The following SEMA5A variants were observed in gnomAD, a reference collection of about 807,000 sequenced individuals.
SEMA5A encodes the protein semaphorin 5A, also known as semaphorin-5A.
A neutral mutation model predicts 135.5 loss-of-function variants in SEMA5A; 55 were observed. That is an observed-to-expected ratio of 0.41 (90% confidence interval 0.33 to 0.51). SEMA5A has a LOEUF of 0.51. Among genes scored for constraint, SEMA5A ranks in the 20% least tolerant of loss-of-function variants. The probability of loss-of-function intolerance (pLI) is 0.37; values close to 1 mark genes in which losing one functional copy is unlikely to be tolerated. For missense variants in SEMA5A, 1,290 were observed against 1,419.9 expected (o/e 0.91, Z 1.47); for synonymous variants, 580 against 546.5 (o/e 1.06, Z -0.85).
At chr5:9,297,681 A>T (rs1751407810) in intron 5 of SEMA5A, among the ~76,000 whole-genome samples, 4 of 151,414 alleles carry the variant, frequency 2.6e-5, no homozygotes, top group Non-Finnish European at 5.9e-5. Flanking sequence ...CAGTCTCCCG[A>T]GTAGCTGGGA....
intron 1 of SEMA5A, among the ~76,000 whole-genome samples, chr5:9,444,122 A>C (rs147487680): frequency 1.2e-4 from 18 of 152,282 alleles, no homozygotes; most frequent in African/African-American, 4.3e-4. Flanking sequence ...ATTTTTAAAG[A>C]TAGATCTCTG....
intron 5 of SEMA5A, among the ~76,000 whole-genome samples, chr5:9,277,329 G>C (rs1320593764): frequency 6.6e-6 from 1 of 152,166 alleles, no homozygotes; most frequent in African/African-American, 2.4e-5. Context: ...ATGCTGGAGA[G>C]GATGTTGAGA....
At chr5:9,295,485 A>C (rs1221401894) in intron 5 of SEMA5A, among the ~76,000 whole-genome samples, 2 of 152,280 alleles carry the variant, frequency 1.3e-5, no homozygotes, top group East Asian at 3.9e-4. Flanking sequence ...GGCTGGGCAG[A>C]ATTTGATAGT....
chr5:9,427,801 G>T (rs558261925), intron 2 of SEMA5A, among the ~76,000 whole-genome samples: 1 of 152,138 alleles, frequency 6.6e-6, no homozygotes, highest in Admixed American at 6.5e-5. Context: ...GTGGATCCTT[G>T]AGCAGCCTAC....
chr5:9,451,049 A>T (rs566641397), intron 1 of SEMA5A, among the ~76,000 whole-genome samples: 1 of 152,354 alleles, frequency 6.6e-6, no homozygotes, highest in South Asian at 2.1e-4. Context: ...ATAAAGTCAG[A>T]CTACAGCAGT....
intron 5 of SEMA5A, among the ~76,000 whole-genome samples, chr5:9,289,404 A>G (rs1452735405): frequency 6.6e-6 from 1 of 152,188 alleles, no homozygotes; most frequent in African/African-American, 2.4e-5. Context: ...GACAACTCAA[A>G]CAGATATATA....
intron 3 of SEMA5A, among the ~76,000 whole-genome samples, chr5:9,351,894 A>C (rs1364870669): frequency 2.0e-5 from 3 of 152,186 alleles, no homozygotes; most frequent in African/African-American, 7.2e-5. Flanking sequence ...CTAGAGACCA[A>C]GGCACTCTAC....
rs575471860 is a variant in SEMA5A at position 9,336,001 on chromosome 5, A to C, written c.224+1712T>G. ...ATTGTACATTAAGTGCAGTTAAAAA[A>C]AAAAAGTAGATGTCCAGTATGTTAC... On this transcript the variant is annotated intron_variant, in intron 4 of 22. Transcript: ENST00000382496. 4.1e-3 allele frequency among the ~76,000 whole-genome samples: 622 copies of C among 152,220 alleles called. 4 individuals are homozygous for C. Among genetic ancestry groups the C allele is most frequent in the African/African-American group, 0.014 (598 of 41,480 alleles).
At chr5:9,457,598 C>T (rs1013299461) in intron 1 of SEMA5A, among the ~76,000 whole-genome samples, 2 of 152,144 alleles carry the variant, frequency 1.3e-5, no homozygotes, top group Admixed American at 1.3e-4. Flanking sequence ...CCCATCTGTG[C>T]CTCCTTGCTT....
intron 5 of SEMA5A, among the ~76,000 whole-genome samples, chr5:9,279,191 G>A (rs754729825): frequency 6.6e-6 from 1 of 152,220 alleles, no homozygotes; most frequent in Non-Finnish European, 1.5e-5. Flanking sequence ...TGTTAGTGTG[G>A]CCTGGATGCA....
At chr5:9,240,823 G>T (rs1467780896) in intron 5 of SEMA5A, among the ~76,000 whole-genome samples, 1 of 151,992 alleles carries the variant, frequency 6.6e-6, no homozygotes. Context: ...GAGAAGCCAC[G>T]TGTCCACTTG....
At chr5:9,232,986 C>T (rs1747717160) in intron 6 of SEMA5A, among the ~76,000 whole-genome samples, 1 of 152,156 alleles carries the variant, frequency 6.6e-6, no homozygotes, top group Non-Finnish European at 1.5e-5. Flanking sequence ...TAGGAGTTTA[C>T]CTCTTTACCA....
chr5:9,221,300 T>C (rs1401109865), intron 8 of SEMA5A, among the ~76,000 whole-genome samples: 1 of 45,822 alleles, frequency 2.2e-5, no homozygotes, highest in Non-Finnish European at 5.4e-5. Flanking sequence ...GAACATTTTC[T>C]TTTTTTTTTT....
At chr5:9,252,106 T>C (rs1296380204) in intron 5 of SEMA5A, among the ~76,000 whole-genome samples, 1 of 152,160 alleles carries the variant, frequency 6.6e-6, no homozygotes, top group Non-Finnish European at 1.5e-5. Context: ...TCACCAGAGT[T>C]CTATTGACAG....
chr5:9,164,053 TAA>T (rs1743448917), intron 11 of SEMA5A, among the ~76,000 whole-genome samples: 12 of 142,010 alleles, frequency 8.5e-5, no homozygotes, highest in African/African-American at 3.1e-4. Flanking sequence ...TATATATTTA[TAA>T]TATAAATATT....
chr5:9,360,284 C>T (rs1305706048), intron 3 of SEMA5A, among the ~76,000 whole-genome samples: 4 of 152,134 alleles, frequency 2.6e-5, no homozygotes, highest in African/African-American at 7.2e-5. Context: ...GTAGGTGACA[C>T]TGATGGAATA....
rs1735747636 is a variant in SEMA5A at position 9,038,023 on chromosome 5, T to A, written c.*4874A>T. 6.6e-6 allele frequency: 1 copy of A among 152,174 alleles called. No individual in the cohort carries two copies. Among genetic ancestry groups the A allele is most frequent in the Admixed American group, 6.5e-5 (1 of 15,270 alleles). The allele number at this position is 152,174 out of a possible 1,614,324, so 9.4% of individuals were successfully genotyped here. ...GGCTCAAATGGCATCTAGGGTCTGA[T>A]AAGATAAGCGTAGGTAATTGCAGAT... is the stretch of plus-strand genomic sequence containing the variant. On this transcript the variant is annotated 3_prime_UTR_variant, in exon 23 of 23. Transcript: ENST00000382496.
At chr5:9,540,433 C>CAAA (rs11398489) in intron 1 of SEMA5A, among the ~76,000 whole-genome samples, 46 of 144,558 alleles carry the variant, frequency 3.2e-4, no homozygotes, top group African/African-American at 3.8e-4. Context: ...ACTAAAAATT[C>CAAA]AAAAAAAAAA....
chr5:9,468,438 A>G (rs1256751401), intron 1 of SEMA5A, among the ~76,000 whole-genome samples: 1 of 152,192 alleles, frequency 6.6e-6, no homozygotes, highest in Non-Finnish European at 1.5e-5. Flanking sequence ...TTTGCGAACT[A>G]AACAGTCCTT....
Sources: gnomAD v4.1 joint callset for allele counts (sites outside exome capture counted in the v4.1 genomes callset) on GRCh38, gnomAD v4.1.1 for gene constraint, MANE v1.5 for transcripts, NCBI Gene and HGNC (gene_info 2026-07-23, HGNC 2026-07-21) for gene names.